Variants in SEMA4D observed in about 807,000 individuals in gnomAD.
SEMA4D encodes semaphorin 4D.
A neutral mutation model predicts 74.8 loss-of-function variants in SEMA4D; 22 were observed. The ratio of observed to expected loss-of-function variants is 0.29; its 90% confidence interval spans 0.21 to 0.42. The LOEUF (loss-of-function observed/expected upper bound fraction) is 0.42. Among genes scored for constraint, SEMA4D ranks in the 10% least tolerant of loss-of-function variants. The pLI is 1.00. For missense variants in SEMA4D, 937 were observed against 1,118.4 expected (o/e 0.84, Z 2.31); for synonymous variants, 445 against 463.7 (o/e 0.96, Z 0.52).
downstream of SEMA4D, among the ~76,000 whole-genome samples, chr9:89,375,595 T>C (rs1835678815): frequency 6.6e-6 from 1 of 152,174 alleles, no homozygotes; most frequent in Non-Finnish European, 1.5e-5. Context: ...TGGGTTTGCT[T>C]TTCCTCTTCA....
At chr9:89,428,811 T>A (rs190669810) in intron 2 of SEMA4D, among the ~76,000 whole-genome samples, 2 of 152,132 alleles carry the variant, frequency 1.3e-5, no homozygotes, top group African/African-American at 4.8e-5. Context: ...GGGCTGGCCA[T>A]AGGGAAATAC....
chr9:89,388,942 G>A lies in SEMA4D; in HGVS notation c.880C>T (p.Arg294Trp), dbSNP rs772101946. The change falls in exon 10 of 16, where the codon CGG (arginine) becomes TGG (tryptophan). Residue 294 changes from arginine to tryptophan, a missense_variant. Transcript: ENST00000422704. Reference protein sequence around the residue: ...PDSGLVFNVLRDVFVLRSPGL... With the variant: ...PDSGLVFNVLWDVFVLRSPGL... ...GGGGACCTGAGCACGAAGACATCCC[G>A]CAGCACATTGAAGACCAAGCCGCTG... 8.7e-6 allele frequency: 14 copies of A among 1,614,030 alleles called. No individual in the cohort carries two copies. The highest frequency in any genetic ancestry group is 4.4e-5 in the South Asian group (4 of 91,092).
At position 89,381,989 on chromosome 9, in the gene SEMA4D, C is replaced by CACAGACGGG. The variant is rs1186006333; in HGVS notation, c.1447-652_1447-644dup. 2.0e-5 allele frequency: 3 copies of CACAGACGGG among 152,380 alleles called. No homozygotes were observed. The East Asian group carries it at 5.8e-4, about 29-fold the overall frequency. The allele number at this position is 152,380 out of a possible 1,614,324, so 9.4% of individuals were successfully genotyped here. The stretch of plus-strand genomic sequence containing the variant: ...TATCTATATGTAAAAGGGAAGAGCT[C>CACAGACGGG]ACAGACGGGAAGTCAACCTCCGAGC... On this transcript the variant is annotated intron_variant, in intron 13 of 15. Coordinates refer to ENST00000422704, the MANE Select transcript of SEMA4D (RefSeq NM_001371194.2). The surrounding 1 kb of genome is among the most constrained non-coding windows in gnomAD (Gnocchi z 4.6).
At chr9:89,389,192 C>T (rs1425591148) in intron 9 of SEMA4D, 145 bp from the exon 10 acceptor site, 4 of 767,824 alleles carry the variant, frequency 5.2e-6, no homozygotes, top group Admixed American at 5.2e-5. Context: ...AGACAGATGC[C>T]GCAATTATGT....
intron 7 of SEMA4D, among the ~76,000 whole-genome samples, 188 bp from the exon 8 acceptor site, chr9:89,392,724 T>C (rs1449506600): frequency 3.3e-5 from 5 of 152,076 alleles, no homozygotes; most frequent in African/African-American, 1.2e-4. Flanking sequence ...TTTTTCGAGA[T>C]GAGGTTTTTT....
At chr9:89,467,619 C>T (rs1382250045) in intron 1 of SEMA4D, among the ~76,000 whole-genome samples, 3 of 151,224 alleles carry the variant, frequency 2.0e-5, no homozygotes, top group Non-Finnish European at 4.4e-5. Context: ...GCAACCTCTG[C>T]CTCTCAGGTT....
intron 1 of SEMA4D, among the ~76,000 whole-genome samples, chr9:89,493,779 C>A (rs1825804332): frequency 6.6e-6 from 1 of 152,194 alleles, no homozygotes; most frequent in Non-Finnish European, 1.5e-5. Flanking sequence ...CTTAACATAT[C>A]CTTTACTAAA....
intron 13 of SEMA4D, among the ~76,000 whole-genome samples, chr9:89,382,194 G>T (rs192866217): frequency 6.6e-6 from 1 of 152,316 alleles, no homozygotes; most frequent in African/African-American, 2.4e-5. Flanking sequence ...CTGGAAGGAG[G>T]GTGCCCCACA....
intron 2 of SEMA4D, among the ~76,000 whole-genome samples, chr9:89,407,786 C>T (rs745497885): frequency 2.0e-4 from 30 of 152,218 alleles, no homozygotes; most frequent in Admixed American, 6.5e-4. Context: ...ACACAGGGCT[C>T]GGCCCCTCTG....
chr9:89,455,282 G>C (rs1247560909), intron 2 of SEMA4D, among the ~76,000 whole-genome samples: 7 of 152,244 alleles, frequency 4.6e-5, no homozygotes, highest in Admixed American at 4.6e-4. Flanking sequence ...TTGAAAGGCA[G>C]GGGTGGGAGC....
At chr9:89,428,732 C>T (rs1317832931) in intron 2 of SEMA4D, among the ~76,000 whole-genome samples, 1 of 152,250 alleles carries the variant, frequency 6.6e-6, no homozygotes, top group Non-Finnish European at 1.5e-5. Flanking sequence ...ATGGTGCACA[C>T]GGCCAACCCA....
chr9:89,396,599 C>T (rs1564615220), intron 6 of SEMA4D, 138 bp downstream of exon 6: 1 of 732,146 alleles, frequency 1.4e-6, no homozygotes, highest in Non-Finnish European at 2.3e-6. Context: ...ACAAGCTGCC[C>T]CCGTTTTCTG....
At chr9:89,476,812 C>T (rs961278130) in intron 1 of SEMA4D, among the ~76,000 whole-genome samples, 2 of 152,188 alleles carry the variant, frequency 1.3e-5, no homozygotes, top group Non-Finnish European at 2.9e-5. Flanking sequence ...CGGAGCAGAA[C>T]CTGACTGCGG....
At chr9:89,406,212 T>TAC (rs1266662002) in intron 2 of SEMA4D, among the ~76,000 whole-genome samples, 6 of 152,138 alleles carry the variant, frequency 3.9e-5, no homozygotes, top group African/African-American at 9.6e-5. Flanking sequence ...CACACATATG[T>TAC]ACACACACAC....
At chr9:89,383,874 CT>C (rs1205222044) in intron 13 of SEMA4D, among the ~76,000 whole-genome samples, 1 of 152,198 alleles carries the variant, frequency 6.6e-6, no homozygotes, top group Non-Finnish European at 1.5e-5. Context: ...TCGACGCCCC[CT>C]GTCTCCGCCT....
intron 2 of SEMA4D, among the ~76,000 whole-genome samples, chr9:89,417,806 G>C (rs953145728): frequency 5.9e-5 from 9 of 152,218 alleles, no homozygotes; most frequent in African/African-American, 1.9e-4. Flanking sequence ...CGAGAGAGCA[G>C]GGAAGAATAG....
chr9:89,440,237 C>T lies in SEMA4D; in HGVS notation c.-244+15651G>A, dbSNP rs148990845. 5.3e-5 allele frequency among the ~76,000 whole-genome samples: 8 copies of T among 152,290 alleles called. No individual in the cohort carries two copies. The South Asian group carries it at 8.3e-4, about 16-fold the overall frequency. On this transcript the variant is annotated intron_variant, in intron 2 of 15. Transcript: ENST00000422704. ...ACAGACCCAGTTGAGGCTCCCTCCC[C>T]GCCCCTGCCAGGAAGCAGTGACCAC...
At chr9:89,391,228 C>T (rs1401843386) in intron 9 of SEMA4D, 36 bp downstream of exon 9, 1 of 1,603,394 alleles carries the variant, frequency 6.2e-7, no homozygotes, top group African/African-American at 1.3e-5. Flanking sequence ...ATTGCCATGG[C>T]AGGGGCCAAG....
chr9:89,440,100 C>T (rs918656637), intron 2 of SEMA4D, among the ~76,000 whole-genome samples: 2 of 152,210 alleles, frequency 1.3e-5, no homozygotes, highest in Non-Finnish European at 2.9e-5. Context: ...GATAAGAGGC[C>T]TGGTGTCCTC....
Sources: allele counts gnomAD v4.1 joint callset (sites outside exome capture counted in the v4.1 genomes callset), GRCh38; gene constraint gnomAD v4.1.1; non-coding constraint Gnocchi (gnomAD v3.1); transcripts MANE v1.5; gene names NCBI Gene and HGNC (gene_info 2026-07-23, HGNC 2026-07-21).